FGGY: variants seen among roughly 807,000 people sequenced by gnomAD.
FGGY encodes the protein FGGY carbohydrate kinase domain-containing protein.
A neutral mutation model predicts 71.3 loss-of-function variants in FGGY; 72 were observed. The ratio of observed to expected loss-of-function variants is 1.01; its 90% confidence interval spans 0.84 to 1.23. The LOEUF is 1.23. FGGY is among the 50% of genes most tolerant of loss of function. The pLI is 0.00. For synonymous variants in FGGY, 251 were observed against 250.3 expected (o/e 1.00, Z -0.02); for missense variants, 668 against 682.3 (o/e 0.98, Z 0.23).
intron 8 of FGGY, among the ~76,000 whole-genome samples, chr1:59,607,115 C>T (rs2096631437): frequency 6.6e-6 from 1 of 152,210 alleles, no homozygotes; most frequent in African/African-American, 2.4e-5. Flanking sequence ...TTTTTGCTCA[C>T]AAGTTTGTTG....
intron 6 of FGGY, among the ~76,000 whole-genome samples, chr1:59,471,896 G>A (rs546264292): frequency 6.6e-6 from 1 of 152,378 alleles, no homozygotes; most frequent in South Asian, 2.1e-4. Flanking sequence ...GTGGTATCAA[G>A]GAAATTTTCT....
chr1:59,625,456 C>A (rs946987473), intron 9 of FGGY, among the ~76,000 whole-genome samples: 4 of 152,040 alleles, frequency 2.6e-5, no homozygotes, highest in Admixed American at 1.3e-4. Context: ...TGGGGCATCT[C>A]AATTTTTTTT....
intron 5 of FGGY, among the ~76,000 whole-genome samples, chr1:59,443,052 T>C (rs1417052433): frequency 6.6e-6 from 1 of 152,136 alleles, no homozygotes; most frequent in African/African-American, 2.4e-5. Flanking sequence ...CTTCTTAGAG[T>C]TGTCAGTGTC....
intron 14 of FGGY, among the ~76,000 whole-genome samples, chr1:59,704,326 T>C (rs1164358409): frequency 6.6e-6 from 1 of 152,006 alleles, no homozygotes; most frequent in Admixed American, 6.6e-5. Context: ...CTTTAGATCA[T>C]TGAAAAATGA....
chr1:59,657,026 A>G (rs532639574), intron 11 of FGGY, among the ~76,000 whole-genome samples: 4 of 152,326 alleles, frequency 2.6e-5, no homozygotes, highest in South Asian at 2.1e-4. Context: ...ATGAATACCA[A>G]TGCTTTTTGG....
At chr1:59,604,307 CTT>C (rs1009600334) in intron 8 of FGGY, among the ~76,000 whole-genome samples, 1 of 152,216 alleles carries the variant, frequency 6.6e-6, no homozygotes, top group African/African-American at 2.4e-5. Flanking sequence ...AGTGTACATT[CTT>C]TCTCTCTCTC....
At chr1:59,592,171 AAC>A (rs1315464348) in intron 8 of FGGY, among the ~76,000 whole-genome samples, 2 of 152,364 alleles carry the variant, frequency 1.3e-5, no homozygotes, top group East Asian at 3.9e-4. Context: ...GCAGCAAAAA[AAC>A]ACATGAAAAA....
At chr1:59,713,194 G>A (rs1221767529) in intron 14 of FGGY, among the ~76,000 whole-genome samples, 7 of 152,098 alleles carry the variant, frequency 4.6e-5, no homozygotes, top group Admixed American at 2.0e-4. Context: ...CTTCATCTCC[G>A]TCTGATACCA....
intron 6 of FGGY, among the ~76,000 whole-genome samples, chr1:59,509,349 CCTAACCCCAGT>C (rs922127187): frequency 3.3e-5 from 5 of 152,122 alleles, no homozygotes; most frequent in Admixed American, 2.0e-4. Flanking sequence ...CACTATTTTC[CCTAACCCCAGT>C]CTATCCTCTG....
At chr1:59,726,370 G>A (rs1573735264) in intron 14 of FGGY, among the ~76,000 whole-genome samples, 1 of 150,444 alleles carries the variant, frequency 6.6e-6, no homozygotes, top group Admixed American at 6.6e-5. Flanking sequence ...ATTCATGAGA[G>A]AGAGTGGATT....
intron 8 of FGGY, among the ~76,000 whole-genome samples, chr1:59,588,886 G>A (rs141522867): frequency 1.3e-5 from 2 of 152,220 alleles, no homozygotes; most frequent in East Asian, 3.9e-4. Flanking sequence ...ATCAACTAAC[G>A]AGCAATATAA....
chr1:59,517,294 C>G (rs1213873427), intron 7 of FGGY, among the ~76,000 whole-genome samples: 1 of 107,288 alleles, frequency 9.3e-6, no homozygotes, highest in Non-Finnish European at 1.7e-5. Context: ...GAGACGGAGT[C>G]TCGCTCTGTC....
At chr1:59,667,187 A>T in intron 12 of FGGY, 96 bp from the exon 13 acceptor site, 1 of 1,425,760 alleles carries the variant, frequency 7.0e-7, no homozygotes, top group Non-Finnish European at 9.8e-7. Context: ...TGTAGAGCTT[A>T]GTACAGTGTC....
At chr1:59,655,462 G>A (rs903677383) in intron 11 of FGGY, among the ~76,000 whole-genome samples, 3 of 141,310 alleles carry the variant, frequency 2.1e-5, no homozygotes, top group Non-Finnish European at 4.6e-5. Flanking sequence ...AGTGTGTGAT[G>A]TTCCCCTCCC....
intron 1 of FGGY, among the ~76,000 whole-genome samples, chr1:59,302,233 A>C (rs77381856): frequency 0.012 from 1,882 of 151,818 alleles, 41 homozygotes; most frequent in African/African-American, 0.044. Context: ...ATTGATCTAT[A>C]GTTTTCTTGT....
At chr1:59,385,823 G>A (rs548772164) in intron 5 of FGGY, among the ~76,000 whole-genome samples, 3 of 152,148 alleles carry the variant, frequency 2.0e-5, no homozygotes, top group Non-Finnish European at 4.4e-5. Flanking sequence ...CTTCCTAGTG[G>A]CCAAAGCAAA....
rs559008983 is a variant in FGGY, at chr1:59,382,741, G to A, written c.554+3904G>A. On this transcript the variant is annotated intron_variant, in intron 5 of 15. Coordinates refer to ENST00000303721, the MANE Select transcript of FGGY (RefSeq NM_018291.5). ...GCAGTGCTAGTTGTCATGTGTATGGGCAATACCCCATTGGCCTGCAAATCC... is the reference window on the plus strand; with the variant it reads ...GCAGTGCTAGTTGTCATGTGTATGGACAATACCCCATTGGCCTGCAAATCC... Among the ~76,000 whole-genome samples the A allele has an allele frequency of 4.6e-5, 7 of 152,224 alleles. No individual in the cohort carries two copies. In the South Asian group the frequency reaches 1.4e-3, roughly 32 times the overall value.
intron 14 of FGGY, among the ~76,000 whole-genome samples, chr1:59,678,529 A>G (rs1334956091): frequency 6.6e-6 from 1 of 152,228 alleles, no homozygotes; most frequent in Non-Finnish European, 1.5e-5. Flanking sequence ...AAATACAAGG[A>G]CAAATAAATA....
intron 8 of FGGY, among the ~76,000 whole-genome samples, chr1:59,563,550 C>T (rs890453599): frequency 1.3e-5 from 2 of 152,130 alleles, no homozygotes; most frequent in Non-Finnish European, 2.9e-5. Context: ...AGGACACAAA[C>T]AAATGGAAAA....
Sources: allele counts gnomAD v4.1 joint callset (sites outside exome capture counted in the v4.1 genomes callset), GRCh38; gene constraint gnomAD v4.1.1; transcripts MANE v1.5; gene names NCBI Gene and HGNC (gene_info 2026-07-23, HGNC 2026-07-21).